The following MS4A13 variants were observed in gnomAD, a reference collection of about 807,000 sequenced individuals.
The protein encoded by MS4A13 is membrane spanning 4-domains A13, also known as membrane-spanning 4-domains subfamily A member 13.
MS4A13 carries 21 observed loss-of-function variants against 18.4 expected under a neutral mutation model. The ratio of observed to expected loss-of-function variants is 1.14; its 90% CI spans 0.81 to 1.64. MS4A13 has a LOEUF of 1.64. Ranked by LOEUF, MS4A13 falls within the 40% of genes most tolerant of loss-of-function variation. MS4A13 has a pLI of 0.00. For missense variants in MS4A13, 173 were observed against 176.8 expected (o/e 0.98, Z 0.12); for synonymous variants, 62 against 57.2 (o/e 1.08, Z -0.38).
chr11:60,527,410 C>CTCTCTCTCTGTGTGTG (rs1555024373), intron 5 of MS4A13, among the ~76,000 whole-genome samples: 1 of 28,806 alleles, frequency 3.5e-5, no homozygotes, highest in African/African-American at 1.6e-4. Context: ...CTCTCTCTCT[C>CTCTCTCTCTGTGTGTG]TGTGTGTGTG....
intron 6 of MS4A13, among the ~76,000 whole-genome samples, 158 bp from the exon 7 acceptor site, chr11:60,542,361 A>C (rs993762183): frequency 5.9e-5 from 9 of 152,172 alleles, no homozygotes; most frequent in African/African-American, 2.2e-4. Flanking sequence ...GGAAGAAAGA[A>C]ATAAGGTTGA....
At chr11:60,518,535 C>T (rs2086653273) in intron 3 of MS4A13, among the ~76,000 whole-genome samples, 1 of 152,146 alleles carries the variant, frequency 6.6e-6, no homozygotes, top group Non-Finnish European at 1.5e-5. Context: ...TTATTATCTT[C>T]ACTTCAGTCT....
intron 6 of MS4A13, among the ~76,000 whole-genome samples, chr11:60,541,109 A>C (rs2086854498): frequency 6.6e-6 from 1 of 152,216 alleles, no homozygotes; most frequent in Admixed American, 6.5e-5. Flanking sequence ...ATTTCAAACT[A>C]TTGACAATGC....
intron 4 of MS4A13, among the ~76,000 whole-genome samples, 169 bp downstream of exon 4, chr11:60,524,122 T>C (rs1391215594): frequency 6.7e-6 from 1 of 150,000 alleles, no homozygotes; most frequent in Non-Finnish European, 1.5e-5. Context: ...TAGACAAATA[T>C]ACTGTATTGG....
intron 5 of MS4A13, among the ~76,000 whole-genome samples, chr11:60,526,907 TCTTAA>T (rs369487245): frequency 9.2e-5 from 14 of 152,316 alleles, no homozygotes; most frequent in South Asian, 6.2e-4. Flanking sequence ...TGGAAAAGTT[TCTTAA>T]CTTAACTGTT....
intron 6 of MS4A13, among the ~76,000 whole-genome samples, chr11:60,535,578 C>T (rs2086802918): frequency 1.4e-5 from 1 of 72,940 alleles, no homozygotes; most frequent in South Asian, 6.8e-4. Context: ...GATTCACAGC[C>T]GAATTCTACC....
At chr11:60,529,736 A>C (rs2135261013) in intron 6 of MS4A13, among the ~76,000 whole-genome samples, 1 of 152,314 alleles carries the variant, frequency 6.6e-6, no homozygotes, top group South Asian at 2.1e-4. Context: ...ATTCTATACA[A>C]AAAAAGACGA....
intron 2 of MS4A13, among the ~76,000 whole-genome samples, chr11:60,517,697 G>A (rs1429932257): frequency 6.6e-6 from 1 of 152,114 alleles, no homozygotes; most frequent in Non-Finnish European, 1.5e-5. Flanking sequence ...TGGATTTATG[G>A]CTTCCTGCAT....
chr11:60,531,790 C>A (rs931821918), intron 6 of MS4A13, among the ~76,000 whole-genome samples: 1 of 152,148 alleles, frequency 6.6e-6, no homozygotes, highest in Non-Finnish European at 1.5e-5. Flanking sequence ...GTCCTAGTCT[C>A]TTCTAAGCTC....
chr11:60,526,943 A>T (rs1351689473), intron 5 of MS4A13, among the ~76,000 whole-genome samples: 1 of 152,242 alleles, frequency 6.6e-6, no homozygotes, highest in Non-Finnish European at 1.5e-5. Flanking sequence ...CTTTTGTGAG[A>T]AATGAAGAAA....
rs370921940 is a variant in MS4A13 at position 60,518,195 on chromosome 11, A to T, written c.112A>T (p.Thr38Ser). ...YEPVTYKTGC[T>S]LWGIFFIIAG... Reference sequence around the variant, plus strand: ...ACCTGTAACTTACAAAACAGGATGTACTTTATGGGGAATTTTTGTGAGTAG... The same window carrying T: ...ACCTGTAACTTACAAAACAGGATGTTCTTTATGGGGAATTTTTGTGAGTAG... The change falls in exon 3 of 7, where the codon ACT becomes TCT. Residue 38 changes from threonine to serine, a missense_variant. Thr to Ser is a moderately conservative substitution (Grantham distance 58). Transcript: ENST00000378186. The T allele has an allele frequency of 1.9e-6, 3 of 1,610,220 alleles. 1 individual carries two copies. In the South Asian group the frequency reaches 3.3e-5, roughly 18 times the overall value.
At chr11:60,522,605 C>T (rs1162480224) in intron 3 of MS4A13, among the ~76,000 whole-genome samples, 1 of 152,094 alleles carries the variant, frequency 6.6e-6, no homozygotes, top group African/African-American at 2.4e-5. Flanking sequence ...AGGTCTCCCA[C>T]TTTTATACAT....
At chr11:60,517,340 T>C (rs1347299901) in intron 2 of MS4A13, among the ~76,000 whole-genome samples, 5 of 152,244 alleles carry the variant, frequency 3.3e-5, no homozygotes, top group Admixed American at 2.0e-4. Flanking sequence ...TTATGTGTCC[T>C]CTGTCATTTT....
At chr11:60,524,809 G>A (rs890578847) in intron 4 of MS4A13, among the ~76,000 whole-genome samples, 10 of 151,914 alleles carry the variant, frequency 6.6e-5, no homozygotes, top group Admixed American at 2.0e-4. Context: ...ACAGGTGCCC[G>A]CCACCAAGCC....
rs898347087 is a variant in MS4A13, at chr11:60,518,913, A to G, written c.129+701A>G. Among the ~76,000 whole-genome samples the G allele has an allele frequency of 5.9e-5, 9 of 152,346 alleles. No individual in the cohort carries two copies. The South Asian group carries it at 1.9e-3, about 32-fold the overall frequency. ...TTTAAGGACTTTACTGTAATGTGGTATAAAGAAATGGGGTGATAGCTGGGG... is the reference window on the plus strand; with the variant it reads ...TTTAAGGACTTTACTGTAATGTGGTGTAAAGAAATGGGGTGATAGCTGGGG... On this transcript the variant is annotated intron_variant, in intron 3 of 6. Transcript: ENST00000378186.
At chr11:60,530,129 A>G (rs1016913560) in intron 6 of MS4A13, among the ~76,000 whole-genome samples, 2 of 152,216 alleles carry the variant, frequency 1.3e-5, no homozygotes, top group African/African-American at 4.8e-5. Flanking sequence ...AAAAGACTAC[A>G]TATCTAACAT....
At chr11:60,530,579 G>A (rs2086758007) in intron 6 of MS4A13, among the ~76,000 whole-genome samples, 1 of 152,200 alleles carries the variant, frequency 6.6e-6, no homozygotes, top group Admixed American at 6.5e-5. Flanking sequence ...TCAGGAAGTT[G>A]ACCAAGCATA....
chr11:60,542,072 C>T (rs2135275496), intron 6 of MS4A13, among the ~76,000 whole-genome samples: 1 of 148,418 alleles, frequency 6.7e-6, no homozygotes, highest in Admixed American at 6.7e-5. Context: ...CGCACCACTG[C>T]ACTCCAGCCT....
At chr11:60,529,617 T>TAGAA (rs10664717) in intron 6 of MS4A13, among the ~76,000 whole-genome samples, 157 bp downstream of exon 6, 24,940 of 152,002 alleles carry the variant, frequency 0.16, 2,265 homozygotes, top group East Asian at 0.27. Flanking sequence ...ATTTTATAAA[T>TAGAA]AGCATAAAAT....
Sources: gnomAD v4.1 joint callset for allele counts (sites outside exome capture counted in the v4.1 genomes callset) on GRCh38, gnomAD v4.1.1 for gene constraint, MANE v1.5 for transcripts, NCBI Gene and HGNC (gene_info 2026-07-23, HGNC 2026-07-21) for gene names.